SPTLC3: variants seen among roughly 807,000 people sequenced by gnomAD.
SPTLC3 encodes the protein serine palmitoyltransferase long chain base subunit 3.
A neutral mutation model predicts 59.3 loss-of-function variants in SPTLC3; 36 were observed. The ratio of observed to expected loss-of-function variants is 0.61; its 90% CI spans 0.47 to 0.80. The LOEUF is 0.80. Ranked by LOEUF, SPTLC3 falls within the 30% of genes least tolerant of loss-of-function variation. The pLI is 0.00. For missense variants in SPTLC3, 625 were observed against 685.1 expected (o/e 0.91, Z 0.98); for synonymous variants, 257 against 240.8 (o/e 1.07, Z -0.62).
intron 2 of SPTLC3, among the ~76,000 whole-genome samples, chr20:13,058,874 C>T (rs6514359): frequency 6.6e-6 from 1 of 152,068 alleles, no homozygotes; most frequent in East Asian, 1.9e-4. Context: ...AATAAGTTGA[C>T]AGACATGGAG....
At chr20:13,110,277 G>T in intron 7 of SPTLC3, 60 bp downstream of exon 7, 1 of 1,412,310 alleles carries the variant, frequency 7.1e-7, no homozygotes, top group Non-Finnish European at 9.9e-7. Flanking sequence ...TGACCAGTGC[G>T]GAAAGGCTCA....
At position 13,009,018 on chromosome 20, in the gene SPTLC3, A is replaced by G. The variant is rs900282501; in HGVS notation, c.-250A>G. The G allele has an allele frequency of 1.8e-5, 7 of 380,030 alleles. No homozygotes were observed. Among genetic ancestry groups the G allele is most frequent in the African/African-American group, 1.5e-4 (7 of 47,556 alleles). The allele number at this position is 380,030 out of a possible 1,614,324, so 23.5% of individuals were successfully genotyped here. A position where few individuals can be genotyped will look rare whatever the true frequency, so the allele number is the denominator to read the frequency against. On this transcript the variant is annotated 5_prime_UTR_variant, in exon 1 of 12. Transcript: ENST00000399002. ...TGGACAATCTCCTTTACAGTTTCGG[A>G]AGCAGGTTTGTTGCCATGGAGTTCA...
intron 10 of SPTLC3, among the ~76,000 whole-genome samples, chr20:13,156,134 A>C (rs961381480): frequency 6.6e-6 from 1 of 152,210 alleles, no homozygotes; most frequent in Non-Finnish European, 1.5e-5. Context: ...GTTGGAAGAA[A>C]TATTCCAAAC....
intron 1 of SPTLC3, among the ~76,000 whole-genome samples, chr20:13,020,274 G>A: frequency 6.6e-6 from 1 of 151,640 alleles, no homozygotes; most frequent in Non-Finnish European, 1.5e-5. Context: ...AGCTTTTGGA[G>A]GACAAGGAAG....
intron 2 of SPTLC3, among the ~76,000 whole-genome samples, chr20:13,051,433 A>G (rs1987486245): frequency 6.6e-6 from 1 of 152,238 alleles, no homozygotes; most frequent in Non-Finnish European, 1.5e-5. Context: ...TCCTAAATTT[A>G]TAAAACGATT....
chr20:13,111,605 G>A (rs570507240), intron 7 of SPTLC3, among the ~76,000 whole-genome samples: 2 of 152,166 alleles, frequency 1.3e-5, no homozygotes, highest in South Asian at 2.1e-4. Context: ...ACTCTGGGCT[G>A]TCATAACCTC....
At chr20:13,029,190 T>C (rs1049148878) in intron 1 of SPTLC3, among the ~76,000 whole-genome samples, 1 of 152,136 alleles carries the variant, frequency 6.6e-6, no homozygotes, top group Non-Finnish European at 1.5e-5. Context: ...TCCTTTCCCA[T>C]TGGTTCATTC....
At chr20:13,161,534 G>A (rs2038896336) in intron 11 of SPTLC3, among the ~76,000 whole-genome samples, 1 of 152,104 alleles carries the variant, frequency 6.6e-6, no homozygotes, top group Non-Finnish European at 1.5e-5. Context: ...ATCGCAGGTG[G>A]GGACCCAGAC....
chr20:13,025,019 T>C (rs1986074002), intron 1 of SPTLC3, among the ~76,000 whole-genome samples: 1 of 152,240 alleles, frequency 6.6e-6, no homozygotes, highest in African/African-American at 2.4e-5. Flanking sequence ...AAATTGATAT[T>C]GTGAACTTGT....
chr20:13,040,893 A>G (rs1486200521), intron 1 of SPTLC3, among the ~76,000 whole-genome samples: 1 of 152,114 alleles, frequency 6.6e-6, no homozygotes, highest in Non-Finnish European at 1.5e-5. Context: ...ATATTTGTGC[A>G]TTTTGAATAT....
chr20:13,077,432 C>A (rs1988686906), intron 4 of SPTLC3, among the ~76,000 whole-genome samples: 1 of 151,922 alleles, frequency 6.6e-6, no homozygotes, highest in Non-Finnish European at 1.5e-5. Context: ...CTAGACTTCA[C>A]CTTTTTAAAT....
At position 13,072,417 on chromosome 20, in the gene SPTLC3, G is replaced by A; in HGVS notation, c.458+7G>A. 1 of 1,571,058 alleles carries A rather than the reference G, an allele frequency of 6.4e-7. No individual in the cohort carries two copies. The highest frequency in any genetic ancestry group is 8.6e-7 in the Non-Finnish European group (1 of 1,161,834). On this transcript the variant is annotated splice_region_variant and intron_variant, in intron 3 of 11. Coordinates refer to ENST00000399002, the MANE Select transcript of SPTLC3 (RefSeq NM_018327.4). ...ACTATAACTGGACGTTTAGGTGAGA[G>A]AACTTCTTGGAGGGGATTGGTGAAA... is the stretch of plus-strand genomic sequence containing the variant.
chr20:13,127,390 CA>C (rs1426450149), intron 9 of SPTLC3, among the ~76,000 whole-genome samples: 1 of 152,174 alleles, frequency 6.6e-6, no homozygotes, highest in Non-Finnish European at 1.5e-5. Flanking sequence ...TGCTGCCAGG[CA>C]AACTGGTGAG....
At chr20:13,161,349 T>C (rs1375137658) in intron 11 of SPTLC3, among the ~76,000 whole-genome samples, 2 of 152,128 alleles carry the variant, frequency 1.3e-5, no homozygotes, top group African/African-American at 2.4e-5. Context: ...GGTCCACCTA[T>C]AGAAGAAAAA....
At chr20:13,100,978 G>C (rs6131441) in intron 6 of SPTLC3, among the ~76,000 whole-genome samples, 3 of 74,266 alleles carry the variant, frequency 4.0e-5, no homozygotes, top group South Asian at 3.7e-4. Flanking sequence ...CAGTAGGTGA[G>C]CAGGGCACAG....
At chr20:13,017,916 C>A (rs572992445) in intron 1 of SPTLC3, among the ~76,000 whole-genome samples, 1 of 152,252 alleles carries the variant, frequency 6.6e-6, no homozygotes, top group African/African-American at 2.4e-5. Flanking sequence ...GAACCCAGTC[C>A]TTGTAGAGTG....
intron 9 of SPTLC3, among the ~76,000 whole-genome samples, chr20:13,134,442 C>T (rs2038196904): frequency 6.6e-6 from 1 of 152,086 alleles, no homozygotes; most frequent in Non-Finnish European, 1.5e-5. Context: ...CCCGCATGTC[C>T]CCAGTCATCA....
chr20:13,028,691 A>G (rs903044998), intron 1 of SPTLC3, among the ~76,000 whole-genome samples: 9 of 143,224 alleles, frequency 6.3e-5, no homozygotes, highest in Non-Finnish European at 1.3e-4. Flanking sequence ...AGTAGATACA[A>G]GATAAGAATG....
In SPTLC3 at chr20:13,009,322, A is replaced by T; in HGVS notation, c.55A>T (p.Lys19Ter). The T allele has an allele frequency of 1.2e-6, 2 of 1,614,096 alleles. No homozygotes were observed. The highest frequency in any genetic ancestry group is 1.7e-6 in the Non-Finnish European group (2 of 1,179,984). Residue 19 changes from lysine to a stop codon, truncating the protein, a stop_gained, in exon 1 of 12, where the codon AAA (lysine) becomes TAA (stop). Coordinates refer to ENST00000399002, the MANE Select transcript of SPTLC3 (RefSeq NM_018327.4). LOFTEE classifies it high-confidence loss of function. ...VCNGKLHNHKKQSNGSQSRNC... is the reference protein window; with the variant it reads ...VCNGKLHNHK The stretch of plus-strand genomic sequence containing the variant: ...CAACGGGAAACTTCACAATCACAAG[A>T]AACAGAGCAATGGCTCACAAAGCAG...
Sources: gnomAD v4.1 joint callset for allele counts (sites outside exome capture counted in the v4.1 genomes callset) on GRCh38, gnomAD v4.1.1 for gene constraint, MANE v1.5 for transcripts, NCBI Gene and HGNC (gene_info 2026-07-23, HGNC 2026-07-21) for gene names.